The following FAF1 variants were observed in gnomAD, a reference collection of about 807,000 sequenced individuals.
FAF1 encodes the protein Fas associated factor 1, also known as FAS-associated factor 1.
In FAF1, 25 loss-of-function variants were observed where a neutral mutation model predicts 92.5. The ratio of observed to expected loss-of-function variants is 0.27; its 90% confidence interval spans 0.20 to 0.38. The LOEUF (loss-of-function observed/expected upper bound fraction) is 0.38, where lower values mean the gene tolerates loss of function less well. Ranked by LOEUF, FAF1 falls within the 10% of genes least tolerant of loss-of-function variation. The pLI is 1.00. For missense variants in FAF1, 636 were observed against 793.3 expected (o/e 0.80, Z 2.38); for synonymous variants, 234 against 273.2 (o/e 0.86, Z 1.42).
chr1:50,936,074 C>G (rs1645082759), intron 1 of FAF1, among the ~76,000 whole-genome samples: 1 of 152,148 alleles, frequency 6.6e-6, no homozygotes, highest in African/African-American at 2.4e-5. Context: ...ATCCAAAGAC[C>G]CAACCATTAT....
intron 1 of FAF1, among the ~76,000 whole-genome samples, chr1:50,887,680 A>G (rs1323736179): frequency 6.6e-6 from 1 of 152,124 alleles, no homozygotes; most frequent in African/African-American, 2.4e-5. Context: ...CAAAGATCAG[A>G]TGGTTGTAGA....
chr1:50,674,846 CCT>C (rs987197298), intron 7 of FAF1, among the ~76,000 whole-genome samples: 13 of 149,716 alleles, frequency 8.7e-5, no homozygotes, highest in Non-Finnish European at 1.5e-4. Context: ...ATGCTAAACC[CCT>C]GTCACCTTGT....
chr1:50,738,969 A>T lies in FAF1; in HGVS notation c.460-15T>A, dbSNP rs1033692823. 3 of 1,472,986 alleles carry T rather than the reference A, an allele frequency of 2.0e-6. No individual in the cohort carries two copies. The African/African-American group carries it at 4.2e-5, about 21-fold the overall frequency. The allele number at this position is 1,472,986 out of a possible 1,614,324, so 91.2% of individuals were successfully genotyped here. A position where few individuals can be genotyped will look rare whatever the true frequency, so the allele number is the denominator to read the frequency against. On this transcript the variant is annotated splice_polypyrimidine_tract_variant and intron_variant, in intron 5 of 18. Coordinates refer to ENST00000396153, the MANE Select transcript of FAF1 (RefSeq NM_007051.3). ...TTTAGGACCGTCTGAAAAAGAAAAA[A>T]CACAGCAAAAAATGAATGTTGATGT...
intron 7 of FAF1, among the ~76,000 whole-genome samples, chr1:50,681,803 G>A (rs1656437326): frequency 1.3e-5 from 2 of 151,726 alleles, no homozygotes; most frequent in African/African-American, 4.8e-5. Context: ...ACAAGCATGA[G>A]CCACTGTTCC....
chr1:50,530,240 T>TGG (rs1398174336), intron 15 of FAF1, among the ~76,000 whole-genome samples: 1 of 81,858 alleles, frequency 1.2e-5, no homozygotes, highest in Non-Finnish European at 2.5e-5. Context: ...TAAGAAGTGG[T>TGG]GTGTGTGTGT....
chr1:50,897,771 A>G (rs1328899236), intron 1 of FAF1, among the ~76,000 whole-genome samples: 3 of 152,214 alleles, frequency 2.0e-5, no homozygotes, highest in Non-Finnish European at 4.4e-5. Flanking sequence ...AGGCTCAGAC[A>G]TATGACTTTA....
At chr1:50,677,399 C>A (rs1179455180) in intron 7 of FAF1, among the ~76,000 whole-genome samples, 1 of 152,004 alleles carries the variant, frequency 6.6e-6, no homozygotes, top group Non-Finnish European at 1.5e-5. Context: ...AGAACTGATC[C>A]TGGAGAAATT....
intron 2 of FAF1, among the ~76,000 whole-genome samples, chr1:50,818,490 A>G (rs61782367): frequency 5.9e-5 from 9 of 152,236 alleles, no homozygotes; most frequent in Non-Finnish European, 1.0e-4. Flanking sequence ...ACCAATGAAT[A>G]AACAGATTGA....
At chr1:50,636,049 A>G (rs1187884726) in intron 8 of FAF1, among the ~76,000 whole-genome samples, 1 of 152,152 alleles carries the variant, frequency 6.6e-6, no homozygotes, top group Non-Finnish European at 1.5e-5. Flanking sequence ...GAGAAAGCAA[A>G]AGGGAGGGGA....
At chr1:50,700,597 A>G (rs1319722612) in intron 7 of FAF1, among the ~76,000 whole-genome samples, 1 of 152,134 alleles carries the variant, frequency 6.6e-6, no homozygotes, top group Non-Finnish European at 1.5e-5. Context: ...ATATAAAAAA[A>G]TCTTATGTTT....
At position 50,893,760 on chromosome 1, in the gene FAF1, A is replaced by G. The variant is rs371916111; in HGVS notation, c.46-35763T>C. On this transcript the variant is annotated intron_variant, in intron 1 of 18. Transcript: ENST00000396153. The stretch of plus-strand genomic sequence containing the variant: ...GCAGATGGTGAAGCCAACCAAGCTT[A>G]TATCCTTCCCTAAAGCATGAAAATT... Among the ~76,000 whole-genome samples the G allele has an allele frequency of 1.7e-4, 26 of 152,304 alleles. No individual in the cohort carries two copies. The East Asian group carries it at 1.7e-3, about 10-fold the overall frequency.
intron 2 of FAF1, among the ~76,000 whole-genome samples, chr1:50,845,012 A>C (rs1487750790): frequency 1.3e-5 from 2 of 152,238 alleles, no homozygotes; most frequent in Non-Finnish European, 2.9e-5. Flanking sequence ...AGCTAACTTA[A>C]GTCAACACTG....
chr1:50,904,346 C>A (rs994346402), intron 1 of FAF1, among the ~76,000 whole-genome samples: 1 of 152,014 alleles, frequency 6.6e-6, no homozygotes, highest in East Asian at 1.9e-4. Context: ...ATGGTGGCTG[C>A]CAGAGCTGGG....
chr1:50,580,538 A>C (rs563347299), intron 12 of FAF1, among the ~76,000 whole-genome samples: 188 of 151,848 alleles, frequency 1.2e-3, no homozygotes, highest in Non-Finnish European at 1.8e-3. Context: ...TCTGTATTAA[A>C]ATTTAAATAA....
intron 15 of FAF1, among the ~76,000 whole-genome samples, chr1:50,519,402 G>GGGAGGGAA (rs1647383737): frequency 8.7e-6 from 1 of 114,704 alleles, no homozygotes; most frequent in African/African-American, 4.1e-5. Flanking sequence ...GAGGGAAGGA[G>GGGAGGGAA]GGAGGGAGGG....
At chr1:50,669,975 G>C (rs1655795176) in intron 7 of FAF1, among the ~76,000 whole-genome samples, 1 of 151,930 alleles carries the variant, frequency 6.6e-6, no homozygotes, top group South Asian at 2.1e-4. Context: ...TACAAAATAA[G>C]CCAGGCGTGG....
At chr1:50,627,452 A>G (rs1653558476) in intron 8 of FAF1, among the ~76,000 whole-genome samples, 1 of 152,142 alleles carries the variant, frequency 6.6e-6, no homozygotes, top group Admixed American at 6.6e-5. Flanking sequence ...TCAATAGTAG[A>G]ACAGATAAAC....
intron 1 of FAF1, among the ~76,000 whole-genome samples, chr1:50,920,442 C>T (rs1306366799): frequency 6.6e-6 from 1 of 152,148 alleles, no homozygotes; most frequent in Admixed American, 6.5e-5. Flanking sequence ...TTGCCTGGCT[C>T]ATGTCACTGA....
At chr1:50,836,231 T>C (rs1644203805) in intron 2 of FAF1, among the ~76,000 whole-genome samples, 1 of 142,462 alleles carries the variant, frequency 7.0e-6, no homozygotes, top group African/African-American at 2.6e-5. Flanking sequence ...AGTGCAGTGA[T>C]GTGATCATAG....
Sources: allele counts gnomAD v4.1 joint callset (sites outside exome capture counted in the v4.1 genomes callset), GRCh38; gene constraint gnomAD v4.1.1; transcripts MANE v1.5; gene names NCBI Gene and HGNC (gene_info 2026-07-23, HGNC 2026-07-21).